The following CLSTN2 variants were observed in gnomAD, a reference collection of about 807,000 sequenced individuals.
CLSTN2 encodes calsyntenin 2, also known as calsyntenin-2.
CLSTN2 carries 48 observed loss-of-function variants against 101.2 expected under a neutral mutation model. That is an observed-to-expected ratio of 0.47 (90% CI 0.38 to 0.60). The LOEUF (loss-of-function observed/expected upper bound fraction) is 0.60. Ranked by LOEUF, CLSTN2 falls within the 20% of genes least tolerant of loss-of-function variation. CLSTN2 has a pLI of 0.00. For synonymous variants in CLSTN2, 481 were observed against 463.6 expected (o/e 1.04, Z -0.48); for missense variants, 1,160 against 1,238.2 (o/e 0.94, Z 0.95).
At chr3:140,316,722 C>G (rs542520156) in intron 2 of CLSTN2, among the ~76,000 whole-genome samples, 44 of 152,272 alleles carry the variant, frequency 2.9e-4, no homozygotes, top group Admixed American at 3.3e-4. Context: ...ACATTTCCCA[C>G]AGTGGGTAGT....
At chr3:140,240,299 T>TAC (rs1262089996) in intron 2 of CLSTN2, among the ~76,000 whole-genome samples, 3 of 12,268 alleles carry the variant, frequency 2.4e-4, no homozygotes, top group Non-Finnish European at 5.4e-4. Flanking sequence ...TACACATATA[T>TAC]ATATATACAC....
intron 2 of CLSTN2, among the ~76,000 whole-genome samples, chr3:140,234,140 G>A (rs1354777782): frequency 6.6e-6 from 1 of 152,218 alleles, no homozygotes. Context: ...CATAACCCGA[G>A]AAAGGGTCAC....
intron 2 of CLSTN2, among the ~76,000 whole-genome samples, chr3:140,222,502 A>G (rs1433061585): frequency 6.6e-6 from 1 of 152,192 alleles, no homozygotes; most frequent in African/African-American, 2.4e-5. Context: ...CAAAGGATAA[A>G]TGCTTGAGGA....
At chr3:140,172,467 G>C (rs1460458024) in intron 1 of CLSTN2, among the ~76,000 whole-genome samples, 1 of 152,142 alleles carries the variant, frequency 6.6e-6, no homozygotes, top group Non-Finnish European at 1.5e-5. Flanking sequence ...GTTCTCACCA[G>C]ATGAGGTGAA....
chr3:140,328,715 T>C (rs372030697), intron 2 of CLSTN2, among the ~76,000 whole-genome samples: 1 of 152,220 alleles, frequency 6.6e-6, no homozygotes, highest in East Asian at 1.9e-4. Flanking sequence ...GCTCTATCAC[T>C]GAGTAACTCT....
intron 2 of CLSTN2, among the ~76,000 whole-genome samples, chr3:140,370,763 G>C (rs2087846365): frequency 6.6e-6 from 1 of 152,148 alleles, no homozygotes; most frequent in Non-Finnish European, 1.5e-5. Flanking sequence ...TGCCTTCTGG[G>C]AGCTGAATAG....
At chr3:140,029,751 G>T (rs1427717329) in intron 1 of CLSTN2, among the ~76,000 whole-genome samples, 1 of 152,066 alleles carries the variant, frequency 6.6e-6, no homozygotes, top group Non-Finnish European at 1.5e-5. Context: ...AAAGTTTGGG[G>T]TATTTTCACC....
intron 1 of CLSTN2, among the ~76,000 whole-genome samples, chr3:140,030,556 T>C (rs2007526003): frequency 6.6e-6 from 1 of 152,160 alleles, no homozygotes; most frequent in South Asian, 2.1e-4. Flanking sequence ...CAGAGAACAC[T>C]GGGTGGGAAG....
At chr3:140,556,436 A>T in intron 10 of CLSTN2, 77 bp from the exon 11 acceptor site, 1 of 1,434,364 alleles carries the variant, frequency 7.0e-7, no homozygotes. Context: ...GGTGCCCTGT[A>T]TGGACAGGAA....
chr3:140,095,341 A>T (rs2008852409), intron 1 of CLSTN2, among the ~76,000 whole-genome samples: 2 of 152,226 alleles, frequency 1.3e-5, no homozygotes, highest in Admixed American at 6.5e-5. Context: ...TCAAGTGGGT[A>T]TGGCCCTCCT....
At chr3:139,995,504 G>C (rs1230397803) in intron 1 of CLSTN2, among the ~76,000 whole-genome samples, 1 of 152,042 alleles carries the variant, frequency 6.6e-6, no homozygotes, top group Non-Finnish European at 1.5e-5. Flanking sequence ...CCTTACCTTT[G>C]ATCCCTTGAA....
chr3:140,402,219 T>G (rs1461628234), intron 2 of CLSTN2, among the ~76,000 whole-genome samples: 1 of 152,144 alleles, frequency 6.6e-6, no homozygotes, highest in Non-Finnish European at 1.5e-5. Flanking sequence ...GAATGAGACT[T>G]GAATTGGAAT....
At chr3:140,135,232 A>G (rs2009597989) in intron 1 of CLSTN2, among the ~76,000 whole-genome samples, 1 of 149,696 alleles carries the variant, frequency 6.7e-6, no homozygotes, top group Non-Finnish European at 1.5e-5. Context: ...AGACTTTCAT[A>G]TCTTAGTAAA....
intron 4 of CLSTN2, among the ~76,000 whole-genome samples, chr3:140,417,636 C>A (rs1455338030): frequency 6.6e-6 from 1 of 152,054 alleles, no homozygotes; most frequent in Non-Finnish European, 1.5e-5. Context: ...AGAAATAGCT[C>A]CAGGGACTTA....
chr3:139,952,915 C>T (rs1935317711), intron 1 of CLSTN2, among the ~76,000 whole-genome samples: 1 of 152,132 alleles, frequency 6.6e-6, no homozygotes, highest in Non-Finnish European at 1.5e-5. Context: ...AGAAACAGAC[C>T]TCCCTTCACC....
At chr3:140,442,471 C>G (rs1325514277) in intron 5 of CLSTN2, among the ~76,000 whole-genome samples, 1 of 152,204 alleles carries the variant, frequency 6.6e-6, no homozygotes. Flanking sequence ...GACACTGGTA[C>G]TCCTCTGCCC....
At chr3:140,294,672 ACACT>A (rs979110374) in intron 2 of CLSTN2, among the ~76,000 whole-genome samples, 2 of 152,090 alleles carry the variant, frequency 1.3e-5, no homozygotes, top group Non-Finnish European at 2.9e-5. Flanking sequence ...CCATCAATGA[ACACT>A]CATTTTCTTT....
chr3:140,028,830 G>A (rs1427944063), intron 1 of CLSTN2, among the ~76,000 whole-genome samples: 1 of 152,158 alleles, frequency 6.6e-6, no homozygotes, highest in African/African-American at 2.4e-5. Flanking sequence ...GAAGGACAGG[G>A]CCAGGGAAAG....
chr3:140,334,392 G>A (rs2087420733), intron 2 of CLSTN2, among the ~76,000 whole-genome samples: 1 of 152,226 alleles, frequency 6.6e-6, no homozygotes, highest in East Asian at 1.9e-4. Flanking sequence ...TGAAAGAACA[G>A]TGTTGGTGGA....
Sources: gnomAD v4.1 joint callset for allele counts (sites outside exome capture counted in the v4.1 genomes callset) on GRCh38, gnomAD v4.1.1 for gene constraint, MANE v1.5 for transcripts, NCBI Gene and HGNC (gene_info 2026-07-23, HGNC 2026-07-21) for gene names.